ZNF708: variants seen among roughly 807,000 people sequenced by gnomAD.
ZNF708 encodes ZNF15, ZNF15L1.
In ZNF708, 44 loss-of-function variants were observed where a neutral mutation model predicts 47.0. The ratio of observed to expected loss-of-function variants is 0.94; its 90% CI spans 0.74 to 1.20. ZNF708 has a LOEUF of 1.20. Among genes scored for constraint, ZNF708 ranks in the 50% most tolerant of loss-of-function variants. ZNF708 has a pLI of 0.00. For missense variants in ZNF708, 557 were observed against 656.0 expected (o/e 0.85, Z 1.65); for synonymous variants, 184 against 218.5 (o/e 0.84, Z 1.39).
At chr19:21,319,762 C>A (rs747174994) in intron 1 of ZNF708, among the ~76,000 whole-genome samples, 33 of 152,200 alleles carry the variant, frequency 2.2e-4, no homozygotes, top group Admixed American at 1.3e-4. Flanking sequence ...GAGATACCAT[C>A]TCACACCAGT....
chr19:21,322,391 T>A (rs972881376), intron 1 of ZNF708, among the ~76,000 whole-genome samples: 31 of 151,854 alleles, frequency 2.0e-4, no homozygotes, highest in African/African-American at 7.5e-4. Flanking sequence ...AACCTCTGCC[T>A]CCCGGGTTCA....
At chr19:21,320,606 C>T (rs1418384966) in intron 1 of ZNF708, among the ~76,000 whole-genome samples, 1 of 151,512 alleles carries the variant, frequency 6.6e-6, no homozygotes, top group Non-Finnish European at 1.5e-5. Context: ...GGTAGGAGGA[C>T]TGCTCAAGCC....
intron 1 of ZNF708, among the ~76,000 whole-genome samples, chr19:21,324,279 G>A (rs1043992280): frequency 7.5e-5 from 11 of 145,828 alleles, no homozygotes; most frequent in African/African-American, 2.0e-4. Context: ...AAAATCCAGC[G>A]TTTCTTGGCT....
intron 3 of ZNF708, among the ~76,000 whole-genome samples, chr19:21,297,112 G>A (rs1417939100): frequency 1.3e-5 from 2 of 150,838 alleles, no homozygotes; most frequent in African/African-American, 4.9e-5. Flanking sequence ...CAGCCTGGGT[G>A]ACAGAGCAAG....
At chr19:21,316,629 A>G (rs1232629213) in intron 1 of ZNF708, among the ~76,000 whole-genome samples, 2 of 152,052 alleles carry the variant, frequency 1.3e-5, no homozygotes, top group African/African-American at 2.4e-5. Flanking sequence ...TTTGGGCCCC[A>G]TGGTCTCTGA....
Position 21,293,311 on chromosome 19 carries a change from CTCTTA to C in ZNF708, c.1650_1654del (p.His550GlnfsTer12). ...GTAGGGTTTCTCTTTGGTATGAATT[CTCTTA>C]TGTTTAGTAAGGTTTGGGGACTGGT... On this transcript the variant is annotated frameshift_variant, in exon 4 of 4. Coordinates refer to ENST00000356929, the MANE Select transcript of ZNF708 (RefSeq NM_021269.3). LOFTEE classifies it high-confidence loss of function. 6.2e-7 allele frequency: 1 copy of C among 1,607,484 alleles called. No individual in the cohort carries two copies. Among genetic ancestry groups the C allele is most frequent in the Non-Finnish European group, 8.5e-7 (1 of 1,177,336 alleles).
intron 1 of ZNF708, among the ~76,000 whole-genome samples, chr19:21,320,068 C>T (rs1352528345): frequency 6.6e-6 from 1 of 152,072 alleles, no homozygotes; most frequent in Non-Finnish European, 1.5e-5. Context: ...CCTAGCTATT[C>T]AGGAGGCTGA....
intron 3 of ZNF708, among the ~76,000 whole-genome samples, chr19:21,298,063 C>T (rs1284857897): frequency 6.6e-6 from 1 of 151,800 alleles, no homozygotes; most frequent in Non-Finnish European, 1.5e-5. Flanking sequence ...ATTGAAGAAA[C>T]ACACAGAGAG....
At chr19:21,306,859 G>T (rs1164407905) in intron 3 of ZNF708, 3 of 151,706 alleles carry the variant, frequency 2.0e-5, no homozygotes, top group Non-Finnish European at 2.9e-5. Flanking sequence ...AGGAGAAATC[G>T]CTTGAACCCG....
intron 3 of ZNF708, among the ~76,000 whole-genome samples, chr19:21,297,590 A>G (rs1190978242): frequency 7.2e-6 from 1 of 139,528 alleles, no homozygotes; most frequent in Admixed American, 7.2e-5. Context: ...AAACAATAGA[A>G]TTAATAAAAT....
chr19:21,302,216 T>C (rs927552315), intron 3 of ZNF708, among the ~76,000 whole-genome samples: 1 of 152,120 alleles, frequency 6.6e-6, no homozygotes, highest in Admixed American at 6.6e-5. Flanking sequence ...CAGACACATA[T>C]AGAATTATTT....
rs559458011 is a variant in ZNF708 at position 21,310,694 on chromosome 19, A to C, written c.4-67T>G. On this transcript the variant is annotated intron_variant, in intron 1 of 3. Transcript: ENST00000356929. ...TGGACAGAATTTTTAATTTGACTCA[A>C]GGTGAAATGAGAGAGTAAAGAGAAC... 787 of 1,302,858 alleles carry C rather than the reference A, an allele frequency of 6.0e-4. 2 individuals carry two copies. The highest frequency in any genetic ancestry group is 7.0e-4 in the Non-Finnish European group (704 of 1,004,666). The allele number at this position is 1,302,858 out of a possible 1,614,324, so 80.7% of individuals were successfully genotyped here.
intron 3 of ZNF708, among the ~76,000 whole-genome samples, chr19:21,296,733 C>T (rs1460527683): frequency 2.0e-5 from 3 of 150,730 alleles, no homozygotes; most frequent in Non-Finnish European, 3.0e-5. Context: ...AACAGAATTC[C>T]TTAGCATTTT....
intron 3 of ZNF708, among the ~76,000 whole-genome samples, chr19:21,308,841 TA>T (rs951326835): frequency 4.6e-5 from 7 of 151,314 alleles, no homozygotes; most frequent in African/African-American, 1.5e-4. Context: ...TGCAGAAAAA[TA>T]AAAAAAACAA....
intron 1 of ZNF708, among the ~76,000 whole-genome samples, chr19:21,310,981 A>G (rs1439956172): frequency 6.6e-6 from 1 of 152,196 alleles, no homozygotes; most frequent in Non-Finnish European, 1.5e-5. Context: ...TTGAGTTAGA[A>G]AGTGCTTCTC....
chr19:21,316,265 C>T (rs1973008308), intron 1 of ZNF708, among the ~76,000 whole-genome samples: 1 of 150,534 alleles, frequency 6.6e-6, no homozygotes, highest in East Asian at 2.1e-4. Flanking sequence ...GCTGGGATTA[C>T]AGGCATGCGC....
intron 1 of ZNF708, chr19:21,318,280 G>A (rs937994897): frequency 1.3e-5 from 2 of 152,146 alleles, no homozygotes; most frequent in Non-Finnish European, 2.9e-5. Context: ...AAATACTGCT[G>A]GATTTCCAGC....
rs917876403 is a variant in ZNF708, at chr19:21,293,989, T to C, written c.977A>G (p.His326Arg). ...TTTCTCACCAGTATGAATCCTCTTATGTGTAGTAAGGTGTGAAGATAGGGT... is the reference window on the plus strand; with the variant it reads ...TTTCTCACCAGTATGAATCCTCTTACGTGTAGTAAGGTGTGAAGATAGGGT... The part of the protein sequence containing the change: ...AFTLSSHLTT[H>R]KRIHTGEKPY... Residue 326 changes from histidine to arginine, a missense_variant, in exon 4 of 4, where the codon CAT becomes CGT. His to Arg is a conservative substitution (Grantham distance 29, BLOSUM62 0). Transcript: ENST00000356929. 1.2e-6 allele frequency: 2 copies of C among 1,612,944 alleles called. No homozygotes were observed. The highest frequency in any genetic ancestry group is 1.1e-5 in the South Asian group (1 of 91,068).
At chr19:21,313,359 T>A (rs1781869) in intron 1 of ZNF708, among the ~76,000 whole-genome samples, 2,609 of 151,912 alleles carry the variant, frequency 0.017, 86 homozygotes, top group African/African-American at 0.056. Context: ...TTAACTCTCA[T>A]AACATCATGC....
Sources: gnomAD v4.1 joint callset for allele counts (sites outside exome capture counted in the v4.1 genomes callset) on GRCh38, gnomAD v4.1.1 for gene constraint, MANE v1.5 for transcripts, NCBI Gene and HGNC (gene_info 2026-07-23, HGNC 2026-07-21) for gene names.